Variants in IQCJ observed in about 807,000 individuals in gnomAD.
The protein encoded by IQCJ is IQ domain-containing protein J.
IQCJ carries 9 observed loss-of-function variants against 11.0 expected under a neutral mutation model. That is an observed-to-expected ratio of 0.82 (90% CI 0.49 to 1.43). IQCJ has a LOEUF of 1.43. IQCJ is among the 40% of genes most tolerant of loss of function. IQCJ has a pLI of 0.00. For missense variants in IQCJ, 146 were observed against 133.2 expected, an observed-to-expected ratio of 1.10 and a Z score of -0.47; for synonymous variants, 55 against 51.3, an observed-to-expected ratio of 1.07 and a Z score of -0.31.
intron 1 of IQCJ, among the ~76,000 whole-genome samples, chr3:159,174,792 A>G (rs899036421): frequency 1.3e-5 from 2 of 152,042 alleles, no homozygotes; most frequent in African/African-American, 4.8e-5. Flanking sequence ...ATTATTTTGT[A>G]GTATTTTTTT....
At chr3:159,237,331 AG>A (rs1265563901) in intron 1 of IQCJ, among the ~76,000 whole-genome samples, 1 of 152,250 alleles carries the variant, frequency 6.6e-6, no homozygotes, top group South Asian at 2.1e-4. Flanking sequence ...GGGCAGGTCA[AG>A]GAGCTGACTA....
intron 1 of IQCJ, among the ~76,000 whole-genome samples, chr3:159,073,705 A>G (rs1715732725): frequency 6.6e-6 from 1 of 152,052 alleles, no homozygotes; most frequent in Admixed American, 6.6e-5. Flanking sequence ...ATCTATGTTA[A>G]ATACCACTCT....
At chr3:159,085,172 G>T (rs1025335967) in intron 1 of IQCJ, among the ~76,000 whole-genome samples, 2 of 151,778 alleles carry the variant, frequency 1.3e-5, no homozygotes, top group Admixed American at 1.3e-4. Context: ...GCAGTGTTTG[G>T]GTTTTTGTTC....
chr3:159,173,940 T>C (rs1722635028), intron 1 of IQCJ, among the ~76,000 whole-genome samples: 1 of 152,148 alleles, frequency 6.6e-6, no homozygotes, highest in African/African-American at 2.4e-5. Flanking sequence ...TCTGGAAACT[T>C]CTCATTAAAT....
intron 1 of IQCJ, among the ~76,000 whole-genome samples, chr3:159,235,765 G>A (rs879422892): frequency 3.3e-5 from 5 of 152,170 alleles, no homozygotes; most frequent in Non-Finnish European, 7.4e-5. Flanking sequence ...TTCGCATGTG[G>A]CAGCAAAAGC....
chr3:159,220,291 A>G (rs1287143253), intron 1 of IQCJ, among the ~76,000 whole-genome samples: 2 of 152,114 alleles, frequency 1.3e-5, no homozygotes, highest in Non-Finnish European at 2.9e-5. Flanking sequence ...CCAGTACCTT[A>G]GAATGTGACT....
At chr3:159,149,812 C>T (rs541560657) in intron 1 of IQCJ, among the ~76,000 whole-genome samples, 1 of 152,270 alleles carries the variant, frequency 6.6e-6, no homozygotes, top group Admixed American at 6.5e-5. Context: ...TGTTCTCAGC[C>T]TTCAGGAGAA....
chr3:159,149,761 C>T (rs1177617703), intron 1 of IQCJ, among the ~76,000 whole-genome samples: 1 of 152,134 alleles, frequency 6.6e-6, no homozygotes, highest in Non-Finnish European at 1.5e-5. Context: ...CTCGGCTAAG[C>T]CTATTGTTCT....
chr3:159,246,834 C>T (rs1158097850), intron 2 of IQCJ, among the ~76,000 whole-genome samples: 1 of 152,148 alleles, frequency 6.6e-6, no homozygotes, highest in Non-Finnish European at 1.5e-5. Flanking sequence ...AGTTGCTCTT[C>T]GTGCTCCAGA....
At chr3:159,244,044 T>C (rs1245556296) in intron 1 of IQCJ, among the ~76,000 whole-genome samples, 1 of 152,174 alleles carries the variant, frequency 6.6e-6, no homozygotes, top group Admixed American at 6.5e-5. Flanking sequence ...TTTGCTAAAA[T>C]GAGGAAGAAG....
At chr3:159,106,860 T>C (rs1051900714) in intron 1 of IQCJ, among the ~76,000 whole-genome samples, 2 of 152,216 alleles carry the variant, frequency 1.3e-5, no homozygotes, top group African/African-American at 4.8e-5. Flanking sequence ...CACAGAACTA[T>C]TCTATTTCAC....
intron 1 of IQCJ, among the ~76,000 whole-genome samples, chr3:159,122,250 C>T (rs1050913765): frequency 6.6e-6 from 1 of 152,178 alleles, no homozygotes; most frequent in Non-Finnish European, 1.5e-5. Context: ...AATACCATCA[C>T]ATTGATGGTT....
chr3:159,265,437 T>C (rs2108244339), downstream of IQCJ: 2 of 1,556,920 alleles, frequency 1.3e-6, no homozygotes, highest in Non-Finnish European at 1.8e-6. Flanking sequence ...AATAGGATGA[T>C]CCCTGGCCTA....
chr3:159,135,322 C>T (rs1720225165), intron 1 of IQCJ, among the ~76,000 whole-genome samples: 1 of 152,158 alleles, frequency 6.6e-6, no homozygotes, highest in Admixed American at 6.5e-5. Context: ...AATTTTGACC[C>T]AGCCATCCCC....
chr3:159,154,950 T>C (rs1468350572), intron 1 of IQCJ, among the ~76,000 whole-genome samples: 2 of 152,108 alleles, frequency 1.3e-5, no homozygotes, highest in African/African-American at 4.8e-5. Context: ...TTCTTTCTCC[T>C]TCACATTTGT....
At chr3:159,095,450 G>A (rs1235015193) in intron 1 of IQCJ, among the ~76,000 whole-genome samples, 2 of 142,702 alleles carry the variant, frequency 1.4e-5, no homozygotes, top group Non-Finnish European at 3.0e-5. Context: ...TGCCATGCTG[G>A]TGCGCTGCAC....
chr3:159,229,354 G>A (rs1325411703), intron 1 of IQCJ, among the ~76,000 whole-genome samples: 2 of 152,070 alleles, frequency 1.3e-5, no homozygotes, highest in South Asian at 2.1e-4. Flanking sequence ...TAACAGTCAG[G>A]CTTCTTTGAT....
At chr3:159,259,421 A>C (rs546260258) in intron 3 of IQCJ, among the ~76,000 whole-genome samples, 1 of 152,348 alleles carries the variant, frequency 6.6e-6, no homozygotes, top group South Asian at 2.1e-4. Context: ...TAGTTTCAAA[A>C]AAAAAATGTC....
At chr3:159,184,222 A>G (rs1238079178) in intron 1 of IQCJ, among the ~76,000 whole-genome samples, 20 of 152,120 alleles carry the variant, frequency 1.3e-4, no homozygotes, top group Admixed American at 1.3e-3. Context: ...TATTACTAAA[A>G]TAAGATACAC....
Sources: allele counts gnomAD v4.1 joint callset (sites outside exome capture counted in the v4.1 genomes callset), GRCh38; gene constraint gnomAD v4.1.1; transcripts MANE v1.5; gene names NCBI Gene and HGNC (gene_info 2026-07-23, HGNC 2026-07-21).